The following ANO10 variants were observed in gnomAD, a reference collection of about 807,000 sequenced individuals.
ANO10 encodes anoctamin 10.
ANO10 carries 77 observed loss-of-function variants against 74.7 expected under a neutral mutation model. The ratio of observed to expected loss-of-function variants is 1.03; its 90% confidence interval spans 0.86 to 1.25. The LOEUF is 1.25. Ranked by LOEUF, ANO10 falls within the 50% of genes most tolerant of loss-of-function variation. The probability of loss-of-function intolerance (pLI) is 0.00; values close to 1 mark genes in which losing one functional copy is unlikely to be tolerated. For synonymous variants in ANO10, 279 were observed against 284.9 expected, an observed-to-expected ratio of 0.98 and a Z score of 0.21; for missense variants, 721 against 778.1, an observed-to-expected ratio of 0.93 and a Z score of 0.87.
intron 11 of ANO10, among the ~76,000 whole-genome samples, chr3:43,529,474 C>T (rs1204917807): frequency 6.6e-6 from 1 of 152,100 alleles, no homozygotes; most frequent in Non-Finnish European, 1.5e-5. Context: ...GATGAGTATG[C>T]TCATTATTGT....
chr3:43,596,266 A>C (rs1357319608), intron 4 of ANO10, among the ~76,000 whole-genome samples: 2 of 152,232 alleles, frequency 1.3e-5, no homozygotes, highest in African/African-American at 4.8e-5. Flanking sequence ...AAACTACTTT[A>C]AAGTTCATAT....
chr3:43,555,576 G>C lies in ANO10; in HGVS notation c.1477-107C>G, dbSNP rs2079706179. The C allele has an allele frequency of 7.1e-6, 8 of 1,132,306 alleles. No homozygotes were observed. The South Asian group carries it at 8.4e-5, about 12-fold the overall frequency. The allele number at this position is 1,132,306 out of a possible 1,614,324, so 70.1% of individuals were successfully genotyped here. On this transcript the variant is annotated intron_variant, in intron 9 of 12. Transcript: ENST00000292246. ...TCTAACTATTCAAAAAAACCTCAAA[G>C]AGTTTCCCCACCATACACCAGTGTT...
intron 12 of ANO10, among the ~76,000 whole-genome samples, chr3:43,414,504 G>C (rs1366869059): frequency 1.3e-5 from 2 of 152,144 alleles, no homozygotes; most frequent in Non-Finnish European, 2.9e-5. Context: ...CATAATTTTT[G>C]AAGGAAGGCT....
At chr3:43,683,898 A>T (rs1470352040) in intron 1 of ANO10, among the ~76,000 whole-genome samples, 7 of 152,062 alleles carry the variant, frequency 4.6e-5, no homozygotes, top group African/African-American at 7.2e-5. Flanking sequence ...TGAAACTGGA[A>T]CCCTTCCTTA....
chr3:43,544,190 T>G (rs2079076791), intron 11 of ANO10, among the ~76,000 whole-genome samples: 1 of 152,150 alleles, frequency 6.6e-6, no homozygotes, highest in African/African-American at 2.4e-5. Context: ...GGGAAATTAT[T>G]TGAATATTGA....
At chr3:43,612,657 A>G (rs1477204528) in intron 1 of ANO10, among the ~76,000 whole-genome samples, 1 of 152,224 alleles carries the variant, frequency 6.6e-6, no homozygotes, top group Non-Finnish European at 1.5e-5. Flanking sequence ...AATGACTCCA[A>G]AGTATAAAGG....
chr3:43,497,019 G>T (rs535683578), intron 11 of ANO10, among the ~76,000 whole-genome samples: 1 of 152,300 alleles, frequency 6.6e-6, no homozygotes, highest in East Asian at 1.9e-4. Context: ...TTGGCAGTAT[G>T]GGGATAGGGG....
upstream of ANO10, among the ~76,000 whole-genome samples, chr3:43,626,940 G>T (rs1243327639): frequency 1.2e-5 from 1 of 81,462 alleles, no homozygotes; most frequent in Non-Finnish European, 2.2e-5. Context: ...AGCAGTTCCT[G>T]TATTTCTCAT....
chr3:43,598,323 G>T (rs1454627767), intron 4 of ANO10, among the ~76,000 whole-genome samples: 2 of 152,174 alleles, frequency 1.3e-5, no homozygotes, highest in Admixed American at 1.3e-4. Context: ...TGTATGGTAT[G>T]AGACCTTGAT....
chr3:43,665,866 A>G (rs1023226405), intron 1 of ANO10, among the ~76,000 whole-genome samples: 1 of 152,220 alleles, frequency 6.6e-6, no homozygotes, highest in Non-Finnish European at 1.5e-5. Flanking sequence ...GAAATGTTCA[A>G]TTTAACATTT....
intron 12 of ANO10, among the ~76,000 whole-genome samples, chr3:43,370,838 C>G (rs2091583614): frequency 6.6e-6 from 1 of 152,142 alleles, no homozygotes; most frequent in African/African-American, 2.4e-5. Flanking sequence ...GCCAAATGCA[C>G]AGCTTGACCT....
chr3:43,558,107 C>G (rs1225015526), intron 9 of ANO10, among the ~76,000 whole-genome samples: 2 of 132,842 alleles, frequency 1.5e-5, no homozygotes, highest in Non-Finnish European at 3.1e-5. Flanking sequence ...CCCTGTCTCA[C>G]CAGAAAAAAA....
chr3:43,540,953 G>A (rs2078928589), intron 11 of ANO10, among the ~76,000 whole-genome samples: 1 of 152,022 alleles, frequency 6.6e-6, no homozygotes, highest in African/African-American at 2.4e-5. Context: ...AACATTAGGA[G>A]AACACAGAGC....
At chr3:43,531,574 G>A (rs151194557) in intron 11 of ANO10, among the ~76,000 whole-genome samples, 1 of 152,186 alleles carries the variant, frequency 6.6e-6, no homozygotes, top group Admixed American at 6.5e-5. Context: ...GTGATCTGAC[G>A]ATTTGTCATT....
chr3:43,653,669 T>C (rs1217303074), intron 1 of ANO10, among the ~76,000 whole-genome samples: 2 of 152,204 alleles, frequency 1.3e-5, no homozygotes, highest in Non-Finnish European at 2.9e-5. Context: ...AAGTCTCTAA[T>C]AATAGGTGAT....
chr3:43,654,299 G>A (rs1441179789), intron 1 of ANO10, among the ~76,000 whole-genome samples: 1 of 152,094 alleles, frequency 6.6e-6, no homozygotes, highest in Non-Finnish European at 1.5e-5. Flanking sequence ...TTCTTCCTAT[G>A]TCTTTGAAAT....
In ANO10 at chr3:43,642,909, A is replaced by G. The variant is rs190458412; in HGVS notation, c.-11-37046T>C. Among the ~76,000 whole-genome samples the G allele has an allele frequency of 1.4e-4, 22 of 152,012 alleles. No homozygotes were observed. In the East Asian group the frequency reaches 3.3e-3, roughly 23 times the overall value. On this transcript the variant is annotated intron_variant, in intron 1 of 3. Transcript: ENST00000413397. ...TTCATGTATGTACTGCAGTTTATTT[A>G]CAGCCTCTCTTGTTGGTGGATGTTT...
intron 11 of ANO10, among the ~76,000 whole-genome samples, chr3:43,455,894 A>G (rs1178488741): frequency 1.3e-5 from 2 of 152,204 alleles, no homozygotes; most frequent in African/African-American, 4.8e-5. Flanking sequence ...TTTACTTGTT[A>G]GAGTAACATA....
intron 11 of ANO10, among the ~76,000 whole-genome samples, chr3:43,463,299 T>G (rs2075467541): frequency 6.6e-6 from 1 of 152,210 alleles, no homozygotes. Flanking sequence ...GCAGAGCTGC[T>G]CTTGCATCAT....
Sources: gnomAD v4.1 joint callset for allele counts (sites outside exome capture counted in the v4.1 genomes callset) on GRCh38, gnomAD v4.1.1 for gene constraint, MANE v1.5 for transcripts, NCBI Gene and HGNC (gene_info 2026-07-23, HGNC 2026-07-21) for gene names.